TM9SF1: variants seen among roughly 807,000 people sequenced by gnomAD.
TM9SF1 encodes MP70 protein family member.
TM9SF1 carries 25 observed loss-of-function variants against 52.4 expected under a neutral mutation model. The observed-to-expected ratio is 0.48, with a 90% CI of 0.35 to 0.67. The LOEUF is 0.67. Ranked by LOEUF, TM9SF1 falls within the 30% of genes least tolerant of loss-of-function variation. TM9SF1 has a pLI of 0.01. For synonymous variants in TM9SF1, 284 were observed against 299.8 expected (o/e 0.95, Z 0.55); for missense variants, 604 against 780.3 (o/e 0.77, Z 2.69).
rs767149193 is a variant in TM9SF1, at chr14:24,194,786, G to A, written c.234C>T (p.Ser78=). 2 of 1,614,220 alleles carry A rather than the reference G, an allele frequency of 1.2e-6. No homozygotes were observed. Among genetic ancestry groups the A allele is most frequent in the Admixed American group, 3.3e-5 (2 of 60,024 alleles). The change falls in exon 2 of 6, where the codon AGC becomes AGT. Residue 78 remains serine (S), a synonymous_variant. Coordinates refer to ENST00000261789, the MANE Select transcript of TM9SF1 (RefSeq NM_006405.7). ...GGTCCCCATCCAGCACTTCACCCAG[G>A]CTAAGGCTTTTGTGACGTATCTTCT... is the stretch of plus-strand genomic sequence containing the variant. ...CPEKIRHKSL[S]LGEVLDGDRM... is the part of the protein sequence containing the mutation.
At chr14:24,189,940 T>G in intron 5 of TM9SF1, 132 bp from the exon 6 acceptor site, 1 of 1,417,708 alleles carries the variant, frequency 7.1e-7, no homozygotes, top group Non-Finnish European at 9.2e-7. Context: ...CTCCACTCTC[T>G]GCCCCAGATC....
chr14:24,192,642 C>G lies in TM9SF1; in HGVS notation c.967+6G>C. ...ATAAATCCCCAATTCATTTTTATCA[C>G]CTCACCAGTGCCAAGGGCCAGGAAC... is the stretch of plus-strand genomic sequence containing the variant. On this transcript the variant is annotated splice_donor_region_variant and intron_variant, in intron 3 of 5. Transcript: ENST00000261789. This position sits in a 1 kb window ranked among gnomAD's most constrained non-coding sequence, Gnocchi z 4.0. The G allele has an allele frequency of 6.5e-7, 1 of 1,550,056 alleles. No homozygotes were observed. The highest frequency in any genetic ancestry group is 8.7e-7 in the Non-Finnish European group (1 of 1,149,444).
At position 24,189,342 on chromosome 14, in the gene TM9SF1, A is replaced by C; in HGVS notation, c.*73T>G. The C allele has an allele frequency of 3.4e-6, 5 of 1,477,382 alleles. No individual in the cohort carries two copies. The highest frequency in any genetic ancestry group is 4.5e-6 in the Non-Finnish European group (5 of 1,100,710). 91.5% of individuals were successfully genotyped at this position (1,477,382 alleles called of 1,614,324 possible). A position where few individuals can be genotyped will look rare whatever the true frequency, so the allele number is the denominator to read the frequency against. ...CCATCACACAATTCAGTCAATCAGAAGAGAAGCTGGTAGGAGAGTTCAACA... is the reference window on the plus strand; with the variant it reads ...CCATCACACAATTCAGTCAATCAGACGAGAAGCTGGTAGGAGAGTTCAACA... On this transcript the variant is annotated 3_prime_UTR_variant, in exon 6 of 6. Transcript: ENST00000261789.
intron 2 of TM9SF1, among the ~76,000 whole-genome samples, chr14:24,194,051 T>C (rs1333040038): frequency 1.3e-5 from 2 of 152,188 alleles, no homozygotes; most frequent in East Asian, 3.8e-4. Context: ...TCCCATTCTA[T>C]GCTGGTAGTA....
chr14:24,192,000 G>A, intron 4 of TM9SF1, 171 bp downstream of exon 4: 3 of 661,950 alleles, frequency 4.5e-6, no homozygotes, highest in Non-Finnish European at 5.3e-6. Context: ...GTTATAGAGA[G>A]AGGGTCTCAC....
Position 24,193,075 on chromosome 14 carries a change from T to A in TM9SF1, c.540A>T (p.Ser180=). Residue 180 remains serine (S), a synonymous_variant, in exon 3 of 6, where the codon TCA becomes TCT. Coordinates refer to ENST00000261789, the MANE Select transcript of TM9SF1 (RefSeq NM_006405.7). The part of the protein sequence containing the change: ...HGDRIIFANV[S]VRDVKPHSLD... ...AGCTGTGGGGCTTGACGTCCCGCAC[T>A]GAAACATTGGCAAATATAATTCGGT... The A allele has an allele frequency of 6.2e-7, 1 of 1,614,168 alleles. No individual in the cohort carries two copies. The highest frequency in any genetic ancestry group is 8.5e-7 in the Non-Finnish European group (1 of 1,180,030).
At position 24,194,713 on chromosome 14, in the gene TM9SF1, TCTC is replaced by T; in HGVS notation, c.304_306del (p.Glu102del). 2 of 1,614,124 alleles carry T rather than the reference TCTC, an allele frequency of 1.2e-6. No homozygotes were observed. Among genetic ancestry groups the T allele is most frequent in the Non-Finnish European group, 1.7e-6 (2 of 1,179,966 alleles). On this transcript the variant is annotated inframe_deletion, in exon 2 of 6. Coordinates refer to ENST00000261789, the MANE Select transcript of TM9SF1 (RefSeq NM_006405.7). Reference sequence around the variant, plus strand: ...AGCTGCATGTGGCACAGAATTCTCTTCTCCACGTTTTCCCGAAAGCGGATCTCA... The same window carrying T: ...AGCTGCATGTGGCACAGAATTCTCTTCACGTTTTCCCGAAAGCGGATCTCA...
chr14:24,195,040 T>C lies in TM9SF1; in HGVS notation c.-17-4A>G. On this transcript the variant is annotated splice_polypyrimidine_tract_variant and splice_region_variant and intron_variant, in intron 1 of 5. Coordinates refer to ENST00000261789, the MANE Select transcript of TM9SF1 (RefSeq NM_006405.7). ...GTCATCCTTAAGGCAGTGGAACCTG[T>C]TTGGGGGAATCCTGAGGTTATAGAA... 6.2e-7 allele frequency: 1 copy of C among 1,602,418 alleles called. No homozygotes were observed. The highest frequency in any genetic ancestry group is 8.5e-7 in the Non-Finnish European group (1 of 1,171,274).
intron 1 of TM9SF1, 89 bp from the exon 2 acceptor site, chr14:24,195,125 C>G: frequency 1.1e-6 from 1 of 894,872 alleles, no homozygotes; most frequent in Non-Finnish European, 1.7e-6. Context: ...CCTGGCTCCA[C>G]TTGCTCCCAT....
chr14:24,189,594 G>A lies in TM9SF1; in HGVS notation c.1642C>T (p.Leu548Phe). Residue 548 changes from leucine (L) to phenylalanine (F), a missense_variant, in exon 6 of 6, where the codon CTC (leucine) becomes TTC (phenylalanine). By Grantham distance (22) the Leu-to-Phe change is conservative (BLOSUM62 0). Coordinates refer to ENST00000261789, the MANE Select transcript of TM9SF1 (RefSeq NM_006405.7). ...CGGGCATAATAGAAAACTGAGTAGAGGAAGATGAAGAGGCCGGTGGAGCCA... is the reference window on the plus strand; with the variant it reads ...CGGGCATAATAGAAAACTGAGTAGAAGAAGATGAAGAGGCCGGTGGAGCCA... ...SVGSTGLFIF[L>F]YSVFYYARRS... is the part of the protein sequence containing the mutation. The A allele has an allele frequency of 5.6e-6, 9 of 1,614,124 alleles. No individual in the cohort carries two copies. Among genetic ancestry groups the A allele is most frequent in the East Asian group, 2.2e-5 (1 of 44,890 alleles).
At position 24,193,177 on chromosome 14, in the gene TM9SF1, C is replaced by T. The variant is rs770010143; in HGVS notation, c.438G>A (p.Glu146=). Reference sequence around the variant, plus strand: ...GGCTGTGTGGCAGGAAACCACTCTCCTCCATGTAGCCCACAAAGCCCCGGA... The same window carrying T: ...GGCTGTGTGGCAGGAAACCACTCTCTTCCATGTAGCCCACAAAGCCCCGGA... ...LPIRGFVGYM[E]ESGFLPHSHK... is the part of the protein sequence containing the mutation. Residue 146 remains glutamate, a synonymous_variant, in exon 3 of 6, where the codon GAG becomes GAA. Transcript: ENST00000261789. 63 of 1,614,156 alleles carry T rather than the reference C, an allele frequency of 3.9e-5. No homozygotes were observed. In the Admixed American group the frequency reaches 1.0e-3, roughly 26 times the overall value.
rs150852398 is a variant in TM9SF1 at position 24,190,851 on chromosome 14, G to GTTT, written c.1154-201_1154-199dup. Among the ~76,000 whole-genome samples, 16 of 65,452 alleles carry GTTT rather than the reference G, an allele frequency of 2.4e-4. 1 individual carries two copies. The highest frequency in any genetic ancestry group is 3.8e-4 in the African/African-American group (5 of 13,106). The allele number at this position is 65,452 out of a possible 152,430, so 42.9% of individuals were successfully genotyped here. ...CAGGTCCCATTATTCTTTGTTCTGT[G>GTTT]TTTTTTTTTTTTTTTTTTTTTTTTT... On this transcript the variant is annotated intron_variant, in intron 4 of 5. Coordinates refer to ENST00000261789, the MANE Select transcript of TM9SF1 (RefSeq NM_006405.7).
Position 24,192,632 on chromosome 14 carries a change from A to C in TM9SF1, c.967+16T>G. Reference sequence around the variant, plus strand: ...ATCCCATGAGATAAATCCCCAATTCATTTTTATCACCTCACCAGTGCCAAG... The same window carrying C: ...ATCCCATGAGATAAATCCCCAATTCCTTTTTATCACCTCACCAGTGCCAAG... On this transcript the variant is annotated intron_variant, in intron 3 of 5. Coordinates refer to ENST00000261789, the MANE Select transcript of TM9SF1 (RefSeq NM_006405.7). The surrounding 1 kb of genome is among the most constrained non-coding windows in gnomAD (Gnocchi z 4.0). 2 of 1,537,478 alleles carry C rather than the reference A, an allele frequency of 1.3e-6. No individual in the cohort carries two copies. Among genetic ancestry groups the C allele is most frequent in the South Asian group, 1.3e-5 (1 of 78,172 alleles).
intron 1 of TM9SF1, 97 bp downstream of exon 1, chr14:24,195,249 C>A: frequency 1.8e-6 from 1 of 557,716 alleles, no homozygotes; most frequent in Non-Finnish European, 3.2e-6. Context: ...GCCCGTCTGG[C>A]CCGGGGCCTC....
intron 4 of TM9SF1, among the ~76,000 whole-genome samples, chr14:24,191,250 C>A (rs1437024669): frequency 6.6e-6 from 1 of 152,224 alleles, no homozygotes; most frequent in African/African-American, 2.4e-5. Flanking sequence ...GAGAGTAGCA[C>A]AAATCCATCT....
In TM9SF1 at chr14:24,192,938, CCACCATCGT is replaced by C. The variant is rs778411080; in HGVS notation, c.668_676del (p.Asp223_Gly225del). On this transcript the variant is annotated inframe_deletion, in exon 3 of 6. Transcript: ENST00000261789. This position sits in a 1 kb window ranked among gnomAD's most constrained non-coding sequence, Gnocchi z 4.0. ...GATTTCCAGTGTTCGAGGAAAGAAA[CCACCATCGT>C]CACCACGGCGCCTGTCACTCCGACG... 3 of 1,613,964 alleles carry C rather than the reference CCACCATCGT, an allele frequency of 1.9e-6. No homozygotes were observed. The highest frequency in any genetic ancestry group is 2.5e-6 in the Non-Finnish European group (3 of 1,179,970).
Position 24,194,986 on chromosome 14 carries a change from A to C in TM9SF1, c.34T>G (p.Cys12Gly). The C allele has an allele frequency of 1.9e-6, 3 of 1,614,106 alleles. No homozygotes were observed. Among genetic ancestry groups the C allele is most frequent in the Non-Finnish European group, 2.5e-6 (3 of 1,179,996 alleles). Residue 12 changes from cysteine to glycine, a missense_variant, in exon 2 of 6, where the codon TGC (cysteine) becomes GGC (glycine). Cys to Gly is a radical substitution (Grantham distance 159). This residue lies in a region of TM9SF1 where 47 missense variants were observed against 39.7 expected (regional missense o/e 1.18). Coordinates refer to ENST00000261789, the MANE Select transcript of TM9SF1 (RefSeq NM_006405.7). ...AGTATCAGGATTGGCAACCACTGGC[A>C]GCTCCAACTTCGAGGGTTCCCTACG... Reference protein sequence around the residue: ...TVVGNPRSWSCQWLPILILLL... With the variant: ...TVVGNPRSWSGQWLPILILLL...
Position 24,195,026 on chromosome 14 carries a change from G to A in TM9SF1, c.-7C>T. The A allele has an allele frequency of 1.2e-6, 2 of 1,611,278 alleles. No homozygotes were observed. The highest frequency in any genetic ancestry group is 1.7e-6 in the Non-Finnish European group (2 of 1,178,064). ...GGTTCCCTACGACTGTCATCCTTAAGGCAGTGGAACCTGTTTGGGGGAATC... is the reference window on the plus strand; with the variant it reads ...GGTTCCCTACGACTGTCATCCTTAAAGCAGTGGAACCTGTTTGGGGGAATC... On this transcript the variant is annotated 5_prime_UTR_variant, in exon 2 of 6. Transcript: ENST00000261789.
Position 24,192,794 on chromosome 14 carries a change from G to T in TM9SF1, c.821C>A (p.Thr274Asn). The T allele has an allele frequency of 6.2e-7, 1 of 1,614,090 alleles. No individual in the cohort carries two copies. Among genetic ancestry groups the T allele is most frequent in the East Asian group, 2.2e-5 (1 of 44,882 alleles). ...GTCATCACCAGAACCTGCAGAGGTG[G>T]TCTCCTCATCTAAGTTGTACCGAGC... is the stretch of plus-strand genomic sequence containing the variant. ...DLARYNLDEE[T>N]TSAGSGDDFD... Residue 274 changes from threonine (T) to asparagine (N), a missense_variant, in exon 3 of 6, where the codon ACC becomes AAC. Around this residue, in one of 3 missense-constraint regions of TM9SF1, gnomAD observed 450 missense variants for 560.1 expected, o/e 0.80. Transcript: ENST00000261789. This position sits in a 1 kb window ranked among gnomAD's most constrained non-coding sequence, Gnocchi z 4.0.
Sources: allele counts gnomAD v4.1 joint callset (sites outside exome capture counted in the v4.1 genomes callset), GRCh38; gene constraint gnomAD v4.1.1; regional missense constraint gnomAD v4.1.1; non-coding constraint Gnocchi (gnomAD v3.1); transcripts MANE v1.5; gene names NCBI Gene and HGNC (gene_info 2026-07-23, HGNC 2026-07-21).